UGT2B7: variants seen among roughly 807,000 people sequenced by gnomAD.
UGT2B7 encodes UDP-glucuronosyltransferase 2B7.
In UGT2B7, 51 loss-of-function variants were observed where a neutral mutation model predicts 51.9. The observed-to-expected ratio is 0.98, with a 90% confidence interval of 0.78 to 1.24. UGT2B7 has a LOEUF of 1.24. Ranked by LOEUF, UGT2B7 falls within the 50% of genes most tolerant of loss-of-function variation. The probability of loss-of-function intolerance (pLI) is 0.00; values close to 1 mark genes in which losing one functional copy is unlikely to be tolerated. For missense variants in UGT2B7, 727 were observed against 628.4 expected (o/e 1.16, Z -1.68); for synonymous variants, 225 against 211.6 (o/e 1.06, Z -0.55).
rs1442113848 is a variant in UGT2B7 at position 69,100,581 on chromosome 4, A to G, written c.870+1893A>G. 2.0e-5 allele frequency among the ~76,000 whole-genome samples: 3 copies of G among 151,994 alleles called. No homozygotes were observed. In the East Asian group the frequency reaches 5.8e-4, roughly 29 times the overall value. On this transcript the variant is annotated intron_variant, in intron 2 of 5. Transcript: ENST00000305231. ...CTGAGGTAAGACTAATGAAAAATCT[A>G]TGCCACCCTACCCTACTCTTGAAAA...
At chr4:69,055,775 T>C (rs1366331402) in intron 1 of UGT2B7, among the ~76,000 whole-genome samples, 3 of 152,140 alleles carry the variant, frequency 2.0e-5, no homozygotes, top group Non-Finnish European at 4.4e-5. Flanking sequence ...ACCCTGATCA[T>C]CTCTAGGTTC....
At chr4:69,056,753 T>C (rs1718213012) in intron 1 of UGT2B7, among the ~76,000 whole-genome samples, 1 of 152,164 alleles carries the variant, frequency 6.6e-6, no homozygotes, top group Admixed American at 6.5e-5. Context: ...TCAGCACAAG[T>C]GTACTATATA....
Position 69,112,547 on chromosome 4 carries a change from C to T in UGT2B7, c.1401C>T (p.Val467=), listed in dbSNP as rs1719808207. The part of the protein sequence containing the change: ...LDRAVFWIEF[V]MRHKGAKHLR... ...GAGCAGTCTTCTGGATTGAATTTGTCATGCGCCACAAAGGAGCTAAACACC... is the reference window on the plus strand; with the variant it reads ...GAGCAGTCTTCTGGATTGAATTTGTTATGCGCCACAAAGGAGCTAAACACC... Residue 467 remains valine (V), a synonymous_variant, in exon 6 of 6, where the codon GTC becomes GTT. Transcript: ENST00000305231. 6.2e-7 allele frequency: 1 copy of T among 1,613,960 alleles called. No homozygotes were observed. The highest frequency in any genetic ancestry group is 8.5e-7 in the Non-Finnish European group (1 of 1,179,862).
chr4:69,063,508 C>T (rs1402646901), intron 1 of UGT2B7, among the ~76,000 whole-genome samples: 9 of 151,934 alleles, frequency 5.9e-5, no homozygotes, highest in Admixed American at 5.9e-4. Flanking sequence ...GACTTGCTGG[C>T]CCAGCAAGCC....
chr4:69,070,972 T>G (rs1430274279), intron 1 of UGT2B7, among the ~76,000 whole-genome samples: 4 of 152,168 alleles, frequency 2.6e-5, no homozygotes, highest in African/African-American at 9.6e-5. Flanking sequence ...TGGTCATAAC[T>G]GGCTTCCTGT....
chr4:69,081,906 G>A (rs926234302), intron 1 of UGT2B7, among the ~76,000 whole-genome samples: 2 of 151,940 alleles, frequency 1.3e-5, no homozygotes, highest in Non-Finnish European at 2.9e-5. Flanking sequence ...TACACAAATT[G>A]TATGCTTGTG....
At chr4:69,097,386 C>T in intron 1 of UGT2B7, 145 bp downstream of exon 1, 3 of 1,025,254 alleles carry the variant, frequency 2.9e-6, no homozygotes, top group Admixed American at 3.1e-5. Context: ...CTATTAATCT[C>T]ACAAATATTA....
In UGT2B7 at chr4:69,096,582, G is replaced by C; in HGVS notation, c.62G>C (p.Gly21Ala). ...CAACTGAGCTTTTGCTTTAGCTCTG[G>C]GAATTGTGGAAAGGTGCTGGTGTGG... ...LIQLSFCFSS[G>A]NCGKVLVWAA... is the part of the protein sequence containing the mutation. Residue 21 changes from glycine (G) to alanine (A), a missense_variant, in exon 1 of 6, where the codon GGG (glycine) becomes GCG (alanine). Transcript: ENST00000305231. The C allele has an allele frequency of 6.2e-7, 1 of 1,613,918 alleles. No homozygotes were observed. The highest frequency in any genetic ancestry group is 1.3e-5 in the African/African-American group (1 of 75,018).
In UGT2B7 at chr4:69,096,618, A is replaced by G. The variant is rs1266379801; in HGVS notation, c.98A>G (p.Tyr33Cys). The G allele has an allele frequency of 3.1e-6, 5 of 1,614,020 alleles. No individual in the cohort carries two copies. Among genetic ancestry groups the G allele is most frequent in the Middle Eastern group, 1.6e-4 (1 of 6,062 alleles). ...AAGGTGCTGGTGTGGGCAGCAGAATACAGCCATTGGATGAATATAAAGACA... is the reference window on the plus strand; with the variant it reads ...AAGGTGCTGGTGTGGGCAGCAGAATGCAGCCATTGGATGAATATAAAGACA... ...CGKVLVWAAE[Y>C]SHWMNIKTIL... is the part of the protein sequence containing the mutation. Residue 33 changes from tyrosine (Y) to cysteine (C), a missense_variant, in exon 1 of 6, where the codon TAC becomes TGC. Physicochemically the swap from Tyr to Cys is radical, Grantham distance 194. Coordinates refer to ENST00000305231, the MANE Select transcript of UGT2B7 (RefSeq NM_001074.4).
intron 5 of UGT2B7, among the ~76,000 whole-genome samples, chr4:69,110,050 A>G (rs1719728094): frequency 6.6e-6 from 1 of 152,086 alleles, no homozygotes; most frequent in Non-Finnish European, 1.5e-5. Context: ...ATCTAAACAG[A>G]CTTTAGAAAA....
upstream of UGT2B7, among the ~76,000 whole-genome samples, chr4:69,095,621 G>A (rs7438135): frequency 0.58 from 87,769 of 152,024 alleles, 26,336 homozygotes; most frequent in African/African-American, 0.71. Flanking sequence ...GAAGTGAGTC[G>A]GAGAACAAGC....
At chr4:69,111,258 A>G (rs1047684071) in intron 5 of UGT2B7, among the ~76,000 whole-genome samples, 8 of 152,202 alleles carry the variant, frequency 5.3e-5, no homozygotes, top group African/African-American at 1.9e-4. Context: ...CTGTAGACCA[A>G]ATAACAGAGT....
chr4:69,076,518 T>C (rs556606204), intron 1 of UGT2B7, among the ~76,000 whole-genome samples: 5 of 152,380 alleles, frequency 3.3e-5, no homozygotes, highest in South Asian at 2.1e-4. Flanking sequence ...TTAATTTGCA[T>C]TGCTCTAATG....
chr4:69,064,112 A>AAGAAAGAAAGAG (rs754723956), intron 1 of UGT2B7, among the ~76,000 whole-genome samples: 1 of 86,800 alleles, frequency 1.2e-5, no homozygotes, highest in African/African-American at 6.1e-5. Context: ...GAAAGAAAGA[A>AAGAAAGAAAGAG]AAAGAAAGAA....
Position 69,096,922 on chromosome 4 carries a change from G to T in UGT2B7, c.402G>T (p.Lys134Asn), listed in dbSNP as rs746832798. 9.3e-6 allele frequency: 15 copies of T among 1,611,404 alleles called. No individual in the cohort carries two copies. The highest frequency in any genetic ancestry group is 1.7e-5 in the Admixed American group (1 of 59,280). The change falls in exon 1 of 6, where the codon AAG (lysine) becomes AAT (asparagine). Residue 134 changes from lysine (K) to asparagine (N), a missense_variant. By Grantham distance (94) the Lys-to-Asn change is moderately conservative. Transcript: ENST00000305231. ...TCTGTAAAGATGTAGTTTCAAATAAGAAATTTATGAAAAAAGTACAAGAGT... is the reference window on the plus strand; with the variant it reads ...TCTGTAAAGATGTAGTTTCAAATAATAAATTTATGAAAAAAGTACAAGAGT... ...RKFCKDVVSN[K>N]KFMKKVQESR...
chr4:69,074,516 G>C (rs1441959549), intron 1 of UGT2B7, among the ~76,000 whole-genome samples: 1 of 150,112 alleles, frequency 6.7e-6, no homozygotes, highest in Non-Finnish European at 1.5e-5. Flanking sequence ...TCTTCCAACT[G>C]CGTGTCACTG....
At chr4:69,101,665 T>C (rs1159624580) in intron 2 of UGT2B7, among the ~76,000 whole-genome samples, 2 of 152,108 alleles carry the variant, frequency 1.3e-5, no homozygotes, top group Admixed American at 1.3e-4. Flanking sequence ...CACTCTGTAA[T>C]ATGTGGTCTG....
intron 1 of UGT2B7, among the ~76,000 whole-genome samples, chr4:69,068,911 C>T (rs1479191577): frequency 6.6e-6 from 1 of 151,978 alleles, no homozygotes; most frequent in Non-Finnish European, 1.5e-5. Context: ...CTGAAAGCCA[C>T]TTAGATTCTA....
intron 1 of UGT2B7, among the ~76,000 whole-genome samples, chr4:69,079,083 C>T (rs781411420): frequency 1.3e-5 from 2 of 152,068 alleles, no homozygotes; most frequent in African/African-American, 4.8e-5. Context: ...GAAGCTGAGC[C>T]CTCCAGCTGA....
Sources: allele counts gnomAD v4.1 joint callset (sites outside exome capture counted in the v4.1 genomes callset), GRCh38; gene constraint gnomAD v4.1.1; transcripts MANE v1.5; gene names NCBI Gene and HGNC (gene_info 2026-07-23, HGNC 2026-07-21).